The following RNF150 variants were observed in gnomAD, a reference collection of about 807,000 sequenced individuals.
The protein encoded by RNF150 is ring finger protein 150.
A neutral mutation model predicts 39.3 loss-of-function variants in RNF150; 24 were observed. The observed-to-expected ratio is 0.61, with a 90% CI of 0.44 to 0.86. RNF150 has a LOEUF of 0.86. Ranked by LOEUF, RNF150 falls within the 40% of genes least tolerant of loss-of-function variation. The probability of loss-of-function intolerance (pLI) is 0.00; values close to 1 mark genes in which losing one functional copy is unlikely to be tolerated. For synonymous variants in RNF150, 255 were observed against 227.3 expected, an observed-to-expected ratio of 1.12 and a Z score of -1.10; for missense variants, 502 against 587.8, an observed-to-expected ratio of 0.85 and a Z score of 1.51.
intron 1 of RNF150, among the ~76,000 whole-genome samples, chr4:141,068,723 CT>C (rs1025993617): frequency 2.2e-4 from 31 of 139,342 alleles, no homozygotes; most frequent in African/African-American, 7.6e-4. Context: ...TTTTTATCCT[CT>C]TTTGTTTCCT....
intron 1 of RNF150, among the ~76,000 whole-genome samples, chr4:140,998,337 TG>T (rs35248283): frequency 0.055 from 8,303 of 152,170 alleles, 320 homozygotes; most frequent in Non-Finnish European, 0.083. Flanking sequence ...AAAGGACTGG[TG>T]GCCTTCTAAG....
intron 1 of RNF150, among the ~76,000 whole-genome samples, chr4:141,107,503 A>T (rs1174703452): frequency 6.6e-6 from 1 of 152,216 alleles, no homozygotes; most frequent in Admixed American, 6.5e-5. Flanking sequence ...GCTTTTAACC[A>T]CTAAACCATA....
At chr4:141,022,649 T>C (rs1735538959) in intron 1 of RNF150, among the ~76,000 whole-genome samples, 1 of 152,194 alleles carries the variant, frequency 6.6e-6, no homozygotes, top group South Asian at 2.1e-4. Context: ...ATTCTGTATA[T>C]CTAAATGACG....
upstream of RNF150, among the ~76,000 whole-genome samples, chr4:141,137,712 A>C (rs1018852761): frequency 1.3e-5 from 2 of 152,238 alleles, no homozygotes; most frequent in Admixed American, 6.5e-5. Flanking sequence ...ATGAAAGCAC[A>C]TGAATAATTT....
intron 1 of RNF150, among the ~76,000 whole-genome samples, chr4:140,992,816 G>T (rs1015466638): frequency 2.0e-5 from 3 of 152,130 alleles, no homozygotes; most frequent in Admixed American, 6.5e-5. Context: ...GCTTCCTGGG[G>T]AAAAGAGTTG....
At chr4:140,871,689 G>A (rs1046734214) in intron 6 of RNF150, among the ~76,000 whole-genome samples, 3 of 152,126 alleles carry the variant, frequency 2.0e-5, no homozygotes, top group African/African-American at 7.2e-5. Context: ...CAGTTCTATA[G>A]AGACAGAACT....
chr4:141,033,047 A>T (rs1265349549), intron 1 of RNF150, among the ~76,000 whole-genome samples: 1 of 152,144 alleles, frequency 6.6e-6, no homozygotes, highest in Non-Finnish European at 1.5e-5. Context: ...ACAACAATGA[A>T]GTTTGCTGCA....
chr4:140,865,561 T>TC lies in RNF150; in HGVS notation c.*2699_*2700insG, dbSNP rs1450440584. ...TTAAGCTTTTTTTTTTTCTTTTTTT[T>TC]TTTTTTTTTAAACTATCAAAGCTAC... On this transcript the variant is annotated 3_prime_UTR_variant, in exon 7 of 7. Coordinates refer to ENST00000515673, the MANE Select transcript of RNF150 (RefSeq NM_020724.2). 26 of 151,742 alleles carry TC rather than the reference T, an allele frequency of 1.7e-4. No homozygotes were observed. The highest frequency in any genetic ancestry group is 5.6e-4 in the African/African-American group (23 of 41,302). 9.4% of individuals were successfully genotyped at this position (151,742 alleles called of 1,614,324 possible). A position where few individuals can be genotyped will look rare whatever the true frequency, so the allele number is the denominator to read the frequency against.
At chr4:140,942,530 A>G (rs1158120318) in intron 4 of RNF150, among the ~76,000 whole-genome samples, 2 of 152,240 alleles carry the variant, frequency 1.3e-5, no homozygotes, top group Non-Finnish European at 2.9e-5. Flanking sequence ...CACTGACAAC[A>G]CTGCTCCTTG....
At position 141,157,203 on chromosome 4, in the gene RNF150, G is replaced by A. The variant is rs183362022; in HGVS notation, c.-6+55591C>T. On this transcript the variant is annotated intron_variant, in intron 1 of 7. Transcript: ENST00000420921. ...GATAGCTGCAGGATTCAGGTGTCAC[G>A]TGCACAATATCTCCCCCCCCAAAAA... is the stretch of plus-strand genomic sequence containing the variant. Among the ~76,000 whole-genome samples, 179 of 152,038 alleles carry A rather than the reference G, an allele frequency of 1.2e-3. 1 individual carries two copies. The highest frequency in any genetic ancestry group is 1.1e-3 in the Non-Finnish European group (72 of 68,020).
chr4:140,995,605 A>G (rs1734337067), intron 1 of RNF150, among the ~76,000 whole-genome samples: 2 of 152,108 alleles, frequency 1.3e-5, no homozygotes, highest in African/African-American at 4.8e-5. Context: ...TGTTTTAGCT[A>G]ATCCTCAATT....
rs75038501 is a variant in RNF150, at chr4:140,914,365, G to A, written c.988-3011C>T. ...AAACCAAATCTACATACCTCTGAGA[G>A]AAGACACAATCATAAAGTTTAAAAC... On this transcript the variant is annotated intron_variant, in intron 5 of 6. Coordinates refer to ENST00000515673, the MANE Select transcript of RNF150 (RefSeq NM_020724.2). Among the ~76,000 whole-genome samples the A allele has an allele frequency of 4.0e-3, 603 of 152,320 alleles. 7 individuals carry two copies. Among genetic ancestry groups the A allele is most frequent in the African/African-American group, 0.014 (578 of 41,572 alleles).
chr4:141,046,995 G>A (rs1369789674), intron 1 of RNF150, among the ~76,000 whole-genome samples: 1 of 152,034 alleles, frequency 6.6e-6, no homozygotes. Flanking sequence ...TTGAAATCCA[G>A]TCCAAAACTT....
At chr4:141,091,759 A>G (rs1177872446) in intron 1 of RNF150, among the ~76,000 whole-genome samples, 1 of 152,170 alleles carries the variant, frequency 6.6e-6, no homozygotes, top group African/African-American at 2.4e-5. Flanking sequence ...AATTTCTCAG[A>G]CATCCTATAA....
At chr4:140,943,139 A>C (rs897134081) in intron 4 of RNF150, among the ~76,000 whole-genome samples, 8 of 152,216 alleles carry the variant, frequency 5.3e-5, no homozygotes, top group Non-Finnish European at 1.0e-4. Context: ...ATAAGCACCA[A>C]CATCCCAGGG....
chr4:141,070,047 G>A (rs1410992152), intron 1 of RNF150, among the ~76,000 whole-genome samples: 1 of 151,890 alleles, frequency 6.6e-6, no homozygotes, highest in Non-Finnish European at 1.5e-5. Context: ...GGTTTTTTGT[G>A]TCTCTATTTC....
intron 1 of RNF150, among the ~76,000 whole-genome samples, chr4:140,981,827 C>A (rs1733869376): frequency 6.6e-6 from 1 of 152,180 alleles, no homozygotes; most frequent in African/African-American, 2.4e-5. Context: ...GTTGAGGAAG[C>A]ATTCTGCTCG....
intron 1 of RNF150, among the ~76,000 whole-genome samples, chr4:141,012,593 T>C (rs932274360): frequency 1.3e-4 from 19 of 151,836 alleles, no homozygotes; most frequent in African/African-American, 3.9e-4. Context: ...GGCAGGCAGA[T>C]CATGAGGTCA....
At chr4:140,947,811 A>C (rs1732381368) in intron 3 of RNF150, 75 bp from the exon 4 acceptor site, 1 of 1,012,120 alleles carries the variant, frequency 9.9e-7, no homozygotes, top group African/African-American at 1.7e-5. Flanking sequence ...CCAAAACCCA[A>C]GGAGAGCTTG....
Sources: allele counts gnomAD v4.1 joint callset (sites outside exome capture counted in the v4.1 genomes callset), GRCh38; gene constraint gnomAD v4.1.1; transcripts MANE v1.5; gene names NCBI Gene and HGNC (gene_info 2026-07-23, HGNC 2026-07-21).